The following PIAS2 variants were observed in gnomAD, a reference collection of about 807,000 sequenced individuals.
PIAS2 encodes E3 SUMO-protein ligase PIAS2.
In PIAS2, 19 loss-of-function variants were observed where a neutral mutation model predicts 69.7. The observed-to-expected ratio is 0.27, with a 90% CI of 0.19 to 0.40. The LOEUF is 0.40. Among genes scored for constraint, PIAS2 ranks in the 10% least tolerant of loss-of-function variants. PIAS2 has a pLI of 1.00. For synonymous variants in PIAS2, 261 were observed against 263.2 expected (o/e 0.99, Z 0.08); for missense variants, 624 against 757.0 (o/e 0.82, Z 2.06).
rs1166381401 is a variant in PIAS2, at chr18:46,866,374, GAAGGTATCTTTA to G, written c.500-2138_500-2127del. Among the ~76,000 whole-genome samples the G allele has an allele frequency of 1.2e-4, 19 of 152,314 alleles. No homozygotes were observed. In the East Asian group the frequency reaches 2.1e-3, roughly 17 times the overall value. ...TTCTCATCCGAAGCAATATAGGCCA[GAAGGTATCTTTA>G]AAGTGGTGAAAGAACAAACTCAACT... On this transcript the variant is annotated intron_variant, in intron 2 of 13. Coordinates refer to ENST00000585916, the MANE Select transcript of PIAS2 (RefSeq NM_004671.5).
intron 3 of PIAS2, among the ~76,000 whole-genome samples, chr18:46,855,997 GTTTTTT>G (rs1171297653): frequency 1.5e-4 from 10 of 67,962 alleles, no homozygotes; most frequent in South Asian, 6.6e-4. Context: ...TTTTTCTTTT[GTTTTTT>G]TTTTTTTTTT....
Position 46,917,427 on chromosome 18 carries a change from G to T in PIAS2, c.-82C>A. On this transcript the variant is annotated 5_prime_UTR_variant, in exon 1 of 14. Coordinates refer to ENST00000585916, the MANE Select transcript of PIAS2 (RefSeq NM_004671.5). ...CAACGACGCTGCCGCCACCACGGCC[G>T]CCGCCGCCTCCAGCACCATCCTGCA... 2.2e-6 allele frequency: 3 copies of T among 1,363,892 alleles called. No homozygotes were observed. Among genetic ancestry groups the T allele is most frequent in the Non-Finnish European group, 2.8e-6 (3 of 1,057,056 alleles). The allele number at this position is 1,363,892 out of a possible 1,614,324, so 84.5% of individuals were successfully genotyped here.
chr18:46,847,934 GA>G (rs2046391630), intron 5 of PIAS2, among the ~76,000 whole-genome samples: 1 of 152,026 alleles, frequency 6.6e-6, no homozygotes, highest in African/African-American at 2.4e-5. Flanking sequence ...TCTACATATT[GA>G]AAAGTAGATA....
At chr18:46,850,069 T>C (rs1457479735) in intron 5 of PIAS2, among the ~76,000 whole-genome samples, 3 of 152,184 alleles carry the variant, frequency 2.0e-5, no homozygotes, top group East Asian at 1.9e-4. Flanking sequence ...CAAAATTTCT[T>C]TTCCTGTTAT....
intron 5 of PIAS2, among the ~76,000 whole-genome samples, chr18:46,855,103 TAAAAAAAA>T (rs59957336): frequency 5.2e-5 from 4 of 76,348 alleles, no homozygotes; most frequent in East Asian, 4.0e-4. Context: ...CTTGTCTCTT[TAAAAAAAA>T]AAAAAAAAAA....
At chr18:46,858,760 A>C (rs899620943) in intron 3 of PIAS2, among the ~76,000 whole-genome samples, 5 of 152,186 alleles carry the variant, frequency 3.3e-5, no homozygotes, top group African/African-American at 1.2e-4. Context: ...CCACTGAGTG[A>C]TATTCACACA....
intron 8 of PIAS2, among the ~76,000 whole-genome samples, chr18:46,840,092 C>T (rs189151675): frequency 1.6e-3 from 236 of 151,826 alleles, no homozygotes; most frequent in African/African-American, 4.5e-3. Context: ...ACCAAGGAGG[C>T]GGAAGTTGCA....
chr18:46,917,362 G>A lies in PIAS2; in HGVS notation c.-17C>T. 4.8e-6 allele frequency: 7 copies of A among 1,460,776 alleles called. No homozygotes were observed. Among genetic ancestry groups the A allele is most frequent in the Non-Finnish European group, 6.4e-6 (7 of 1,101,096 alleles). 90.5% of individuals were successfully genotyped at this position (1,460,776 alleles called of 1,614,324 possible). On this transcript the variant is annotated 5_prime_UTR_variant, in exon 1 of 14. Transcript: ENST00000585916. Reference sequence around the variant, plus strand: ...ATCCGCCATTTTATACCACCCGCGGGCGCCGCCGCCGCTGCCGCCGCACCC... The same window carrying A: ...ATCCGCCATTTTATACCACCCGCGGACGCCGCCGCCGCTGCCGCCGCACCC...
In PIAS2 at chr18:46,890,777, A is replaced by T; in HGVS notation, c.302T>A (p.Ile101Asn). The T allele has an allele frequency of 1.9e-6, 3 of 1,614,192 alleles. No homozygotes were observed. Among genetic ancestry groups the T allele is most frequent in the Non-Finnish European group, 2.5e-6 (3 of 1,180,028 alleles). ...PVEPDLAVAG[I>N]HSLPSTSVTP... is the part of the protein sequence containing the mutation. ...AACTGAAGTGGAAGGCAACGAGTGG[A>T]TTCCAGCCACGGCCAAGTCAGGTTC... Residue 101 changes from isoleucine to asparagine, a missense_variant, in exon 2 of 14, where the codon ATC becomes AAC. Coordinates refer to ENST00000585916, the MANE Select transcript of PIAS2 (RefSeq NM_004671.5).
upstream of PIAS2, among the ~76,000 whole-genome samples, chr18:46,919,661 T>C (rs1307071370): frequency 1.3e-5 from 2 of 152,122 alleles, no homozygotes; most frequent in African/African-American, 4.8e-5. Context: ...AAAATAAAAA[T>C]TATTATTTTA....
At chr18:46,822,366 T>C (rs973764423) in intron 11 of PIAS2, among the ~76,000 whole-genome samples, 7 of 152,168 alleles carry the variant, frequency 4.6e-5, no homozygotes, top group Non-Finnish European at 8.8e-5. Flanking sequence ...GCTTATGACA[T>C]ATAATATGCT....
chr18:46,869,770 T>G (rs1270697557), intron 2 of PIAS2, among the ~76,000 whole-genome samples: 1 of 152,178 alleles, frequency 6.6e-6, no homozygotes, highest in Non-Finnish European at 1.5e-5. Context: ...CTCAGTTTTC[T>G]GGCCAAAGTT....
At chr18:46,820,626 C>A (rs1265730776) in intron 12 of PIAS2, among the ~76,000 whole-genome samples, 1 of 152,048 alleles carries the variant, frequency 6.6e-6, no homozygotes, top group Admixed American at 6.6e-5. Flanking sequence ...TCTCCCTTCA[C>A]CTGTGAGGTT....
intron 2 of PIAS2, among the ~76,000 whole-genome samples, chr18:46,879,787 T>C (rs1349991010): frequency 6.6e-6 from 1 of 152,014 alleles, no homozygotes; most frequent in Non-Finnish European, 1.5e-5. Flanking sequence ...TTACGTTTAG[T>C]GAAATAAGCC....
At chr18:46,828,405 C>T (rs1431397190) in intron 10 of PIAS2, among the ~76,000 whole-genome samples, 1 of 152,310 alleles carries the variant, frequency 6.6e-6, no homozygotes, top group South Asian at 2.1e-4. Flanking sequence ...TCCAATACCA[C>T]TGAAGGATTT....
intron 2 of PIAS2, among the ~76,000 whole-genome samples, chr18:46,885,923 G>C (rs544551970): frequency 3.7e-4 from 56 of 152,248 alleles, no homozygotes; most frequent in African/African-American, 1.3e-3. Flanking sequence ...AATTTATAAA[G>C]AGCATACTAT....
At chr18:46,905,895 A>G (rs1333502922) in intron 1 of PIAS2, 8 of 152,296 alleles carry the variant, frequency 5.3e-5, no homozygotes, top group African/African-American at 4.8e-5. Flanking sequence ...GAGAAAAGGT[A>G]TATTTTTTAA....
chr18:46,892,775 T>C (rs574126087), intron 1 of PIAS2, among the ~76,000 whole-genome samples: 1 of 152,022 alleles, frequency 6.6e-6, no homozygotes, highest in Non-Finnish European at 1.5e-5. Context: ...GTCTCAAAAA[T>C]AATAATAATA....
upstream of PIAS2, chr18:46,920,033 A>C (rs1318658066): frequency 4.7e-6 from 6 of 1,286,578 alleles, no homozygotes; most frequent in Admixed American, 2.3e-5. Context: ...GTAAGAAAAG[A>C]AAAGCAAAGC....
Sources: gnomAD v4.1 joint callset for allele counts (sites outside exome capture counted in the v4.1 genomes callset) on GRCh38, gnomAD v4.1.1 for gene constraint, MANE v1.5 for transcripts, NCBI Gene and HGNC (gene_info 2026-07-23, HGNC 2026-07-21) for gene names.